The following SLIT1 variants were observed in gnomAD, a reference collection of about 807,000 sequenced individuals.
SLIT1 encodes the protein slit guidance ligand 1.
Under a neutral mutation model 186.1 loss-of-function variants are expected in SLIT1, and 66 were observed. The observed-to-expected ratio is 0.35, with a 90% CI of 0.29 to 0.44. The LOEUF (loss-of-function observed/expected upper bound fraction) is 0.44, where lower values mean the gene tolerates loss of function less well. SLIT1 is among the 20% of genes least tolerant of loss of function. The probability of loss-of-function intolerance (pLI) is 1.00; values close to 1 mark genes in which losing one functional copy is unlikely to be tolerated. For missense variants in SLIT1, 1,638 were observed against 2,037.4 expected (o/e 0.80, Z 3.77); for synonymous variants, 761 against 833.8 (o/e 0.91, Z 1.50).
At position 97,013,828 on chromosome 10, in the gene SLIT1, G is replaced by T. The variant is rs1316875051; in HGVS notation, c.3116C>A (p.Ala1039Asp). The change falls in exon 30 of 37, where the codon GCC becomes GAC. Residue 1039 changes from alanine (A) to aspartate (D), a missense_variant. By Grantham distance (126) the Ala-to-Asp change is moderately radical (BLOSUM62 -2). Around this residue, in one of 3 missense-constraint regions of SLIT1, gnomAD observed 1,245 missense variants for 1,535.3 expected, o/e 0.81. Coordinates refer to ENST00000266058, the MANE Select transcript of SLIT1 (RefSeq NM_003061.3). The part of the protein sequence containing the change: ...CQCPLQYEGK[A>D]CEQLVDLCSP... ...GCACAAGTCCACCAGCTGCTCACAG[G>T]CCTTTCCTGGGGAAAGAACGAGCAA... is the stretch of plus-strand genomic sequence containing the variant. 2 of 1,551,446 alleles carry T rather than the reference G, an allele frequency of 1.3e-6. No homozygotes were observed. The highest frequency in any genetic ancestry group is 2.7e-5 in the African/African-American group (2 of 73,058).
chr10:97,017,375 C>T (rs967648921), intron 28 of SLIT1, among the ~76,000 whole-genome samples: 6 of 152,226 alleles, frequency 3.9e-5, no homozygotes, highest in African/African-American at 1.4e-4. Flanking sequence ...ACATCATTTT[C>T]GGAAGAGCCA....
At chr10:97,016,161 T>G (rs1374147741) in intron 28 of SLIT1, among the ~76,000 whole-genome samples, 1 of 151,864 alleles carries the variant, frequency 6.6e-6, no homozygotes, top group Admixed American at 6.6e-5. Context: ...ATACAAAAAT[T>G]AGCCGGGTGT....
intron 4 of SLIT1, among the ~76,000 whole-genome samples, chr10:97,118,375 A>G (rs935046990): frequency 6.6e-6 from 1 of 152,170 alleles, no homozygotes; most frequent in Non-Finnish European, 1.5e-5. Flanking sequence ...TTGGCGCAGC[A>G]GGACTTGGGG....
chr10:97,068,651 C>A lies in SLIT1; in HGVS notation c.414-2565G>T, dbSNP rs1006443652. Reference sequence around the variant, plus strand: ...CCCACCTGCTATCCCTGAGGCATCTCCCCTTCTTGTGGGGGAAGCTTCCTC... The same window carrying A: ...CCCACCTGCTATCCCTGAGGCATCTACCCTTCTTGTGGGGGAAGCTTCCTC... On this transcript the variant is annotated intron_variant, in intron 4 of 36. Transcript: ENST00000266058. The surrounding 1 kb of genome is among the most constrained non-coding windows in gnomAD (Gnocchi z 4.2). Among the ~76,000 whole-genome samples the A allele has an allele frequency of 7.9e-5, 12 of 152,220 alleles. No individual in the cohort carries two copies. The highest frequency in any genetic ancestry group is 1.8e-4 in the Non-Finnish European group (12 of 68,024).
At chr10:97,020,927 C>T (rs138170435) in intron 26 of SLIT1, among the ~76,000 whole-genome samples, 8 of 152,366 alleles carry the variant, frequency 5.3e-5, no homozygotes, top group African/African-American at 1.9e-4. Flanking sequence ...CTGCTGAACA[C>T]AATTCCTACC....
chr10:97,122,580 A>G (rs1308644015), intron 4 of SLIT1, among the ~76,000 whole-genome samples: 4 of 152,168 alleles, frequency 2.6e-5, no homozygotes, highest in Non-Finnish European at 5.9e-5. Context: ...AGTGTGTTAC[A>G]CAAGTGCATG....
At chr10:97,122,775 T>C (rs566620844) in intron 4 of SLIT1, among the ~76,000 whole-genome samples, 14 of 152,246 alleles carry the variant, frequency 9.2e-5, no homozygotes, top group African/African-American at 3.4e-4. Flanking sequence ...CAGAAGCTGC[T>C]TGCCAGTGCC....
chr10:97,133,596 G>A (rs554361059), intron 4 of SLIT1, among the ~76,000 whole-genome samples: 2 of 152,084 alleles, frequency 1.3e-5, no homozygotes, highest in Non-Finnish European at 2.9e-5. Context: ...ACAACGATGC[G>A]AACTTAACAT....
chr10:97,060,579 C>T (rs894293081), intron 9 of SLIT1, 61 bp downstream of exon 9: 2 of 1,599,842 alleles, frequency 1.3e-6, no homozygotes, highest in Admixed American at 1.7e-5. Flanking sequence ...TCTTCACTGG[C>T]CCTCCAGAGC....
chr10:97,175,084 T>C (rs1271146738), intron 1 of SLIT1, among the ~76,000 whole-genome samples: 3 of 152,190 alleles, frequency 2.0e-5, no homozygotes, highest in African/African-American at 7.2e-5. Context: ...ATTGCTCTTC[T>C]ACCTTCTGTC....
intron 4 of SLIT1, among the ~76,000 whole-genome samples, chr10:97,115,492 G>A (rs1408916307): frequency 1.3e-5 from 2 of 152,108 alleles, no homozygotes; most frequent in African/African-American, 4.8e-5. Context: ...CTGTAAGTTT[G>A]CAAATGTTCT....
At chr10:97,064,260 T>A (rs1848922638) in intron 6 of SLIT1, 21 bp from the exon 7 acceptor site, 1 of 1,603,124 alleles carries the variant, frequency 6.2e-7, no homozygotes, top group Non-Finnish European at 8.5e-7. Context: ...AAAACCAGAG[T>A]CATTTAGCAC....
In SLIT1 at chr10:97,159,201, A is replaced by T. The variant is rs980377318; in HGVS notation, c.342-1312T>A. On this transcript the variant is annotated intron_variant, in intron 3 of 36. Transcript: ENST00000266058. ...ACTTAATTCCATGTAGCCAGCAGTA[A>T]TTGGTCTGTGGTTACCTCCTAGAAG... 2.0e-5 allele frequency among the ~76,000 whole-genome samples: 3 copies of T among 152,248 alleles called. No individual in the cohort carries two copies. In the South Asian group the frequency reaches 6.2e-4, roughly 32 times the overall value.
intron 4 of SLIT1, among the ~76,000 whole-genome samples, chr10:97,130,552 G>A (rs1339883135): frequency 4.6e-5 from 7 of 152,210 alleles, no homozygotes; most frequent in East Asian, 3.8e-4. Flanking sequence ...TACCCAGCAC[G>A]GTCAAATTCA....
At chr10:97,016,690 A>G (rs904787999) in intron 28 of SLIT1, among the ~76,000 whole-genome samples, 1 of 152,208 alleles carries the variant, frequency 6.6e-6, no homozygotes, top group Non-Finnish European at 1.5e-5. Context: ...TTTTATTCTT[A>G]AATGTTAATA....
rs1434661964 is a variant in SLIT1, at chr10:97,001,368, C to T, written c.4367-18G>A. ...CTCGGACTCTGGATGGGACAGACAC[C>T]AAGAGAAAGCCTCAGGGCACACCCA... On this transcript the variant is annotated intron_variant, in intron 36 of 36. Transcript: ENST00000266058. 2 of 1,597,018 alleles carry T rather than the reference C, an allele frequency of 1.3e-6. No individual in the cohort carries two copies. Among genetic ancestry groups the T allele is most frequent in the African/African-American group, 1.3e-5 (1 of 74,664 alleles).
intron 34 of SLIT1, 103 bp from the exon 35 acceptor site, chr10:97,003,095 C>T (rs562850126): frequency 2.2e-5 from 25 of 1,148,648 alleles, no homozygotes; most frequent in Admixed American, 2.1e-5. Flanking sequence ...CTCTTGCCTG[C>T]GGCCTCTGTC....
chr10:97,145,011 T>G (rs1406187234), intron 4 of SLIT1, among the ~76,000 whole-genome samples: 1 of 152,120 alleles, frequency 6.6e-6, no homozygotes. Flanking sequence ...GAGGACTCAA[T>G]GCCAAGGAAC....
At chr10:97,018,837 A>G in intron 27 of SLIT1, 146 bp downstream of exon 27, 1 of 645,396 alleles carries the variant, frequency 1.5e-6, no homozygotes, top group Non-Finnish European at 2.8e-6. Flanking sequence ...TCATTCATTC[A>G]TTCATTCATT....
Sources: allele counts gnomAD v4.1 joint callset (sites outside exome capture counted in the v4.1 genomes callset), GRCh38; gene constraint gnomAD v4.1.1; regional missense constraint gnomAD v4.1.1; non-coding constraint Gnocchi (gnomAD v3.1); transcripts MANE v1.5; gene names NCBI Gene and HGNC (gene_info 2026-07-23, HGNC 2026-07-21).